Variants in CD200R1 observed in about 807,000 individuals in gnomAD.
The protein encoded by CD200R1 is CD200 receptor 1, also known as cell surface glycoprotein CD200 receptor 1.
CD200R1 carries 30 observed loss-of-function variants against 38.1 expected under a neutral mutation model. The observed-to-expected ratio is 0.79, with a 90% CI of 0.59 to 1.07. CD200R1 has a LOEUF of 1.07. CD200R1 is among the 50% of genes least tolerant of loss of function. CD200R1 has a pLI of 0.00. For synonymous variants in CD200R1, 128 were observed against 152.1 expected, an observed-to-expected ratio of 0.84 and a Z score of 1.16; for missense variants, 372 against 415.4, an observed-to-expected ratio of 0.90 and a Z score of 0.91.
chr3:112,930,645 TC>T (rs1377820100), intron 3 of CD200R1, among the ~76,000 whole-genome samples: 1 of 152,244 alleles, frequency 6.6e-6, no homozygotes, highest in Non-Finnish European at 1.5e-5. Flanking sequence ...AGTGATTTCA[TC>T]ACTATAGCAT....
intron 1 of CD200R1, among the ~76,000 whole-genome samples, chr3:112,963,248 T>C (rs892199875): frequency 1.3e-5 from 2 of 151,850 alleles, no homozygotes; most frequent in Non-Finnish European, 2.9e-5. Flanking sequence ...ACCAGAAGAG[T>C]GGGGCACTGC....
intron 2 of CD200R1, among the ~76,000 whole-genome samples, chr3:112,937,799 A>C (rs1377809646): frequency 1.3e-5 from 2 of 152,158 alleles, no homozygotes; most frequent in Non-Finnish European, 2.9e-5. Context: ...TCATTTTCAC[A>C]ATATTGATTC....
At chr3:112,955,770 C>A (rs1209623027) in intron 1 of CD200R1, among the ~76,000 whole-genome samples, 1 of 150,982 alleles carries the variant, frequency 6.6e-6, no homozygotes, top group East Asian at 1.9e-4. Flanking sequence ...TTAAAGTATT[C>A]ATGATTGGTA....
intron 1 of CD200R1, among the ~76,000 whole-genome samples, chr3:112,965,182 T>C (rs1251385374): frequency 3.3e-5 from 5 of 152,228 alleles, no homozygotes; most frequent in African/African-American, 1.2e-4. Context: ...GATTAAATCA[T>C]ATGCAGAACA....
Position 112,922,732 on chromosome 3 carries a change from C to T in CD200R1, c.*945G>A, listed in dbSNP as rs1684813468. On this transcript the variant is annotated 3_prime_UTR_variant, in exon 8 of 8. Coordinates refer to ENST00000308611, the MANE Select transcript of CD200R1 (RefSeq NM_138806.4). ...TAAATAGTATAATTCTTATTATAAT[C>T]TCACATCATATTTAATCTGGTTGAT... 6.6e-6 allele frequency: 1 copy of T among 151,880 alleles called. No individual in the cohort carries two copies. Among genetic ancestry groups the T allele is most frequent in the African/African-American group, 2.4e-5 (1 of 41,404 alleles). The allele number at this position is 151,880 out of a possible 1,614,324, so 9.4% of individuals were successfully genotyped here. A position where few individuals can be genotyped will look rare whatever the true frequency, so the allele number is the denominator to read the frequency against.
intron 1 of CD200R1, among the ~76,000 whole-genome samples, chr3:112,951,668 C>T (rs1279831814): frequency 6.6e-6 from 1 of 151,078 alleles, no homozygotes; most frequent in African/African-American, 2.4e-5. Flanking sequence ...CTTCCTAGAA[C>T]TAAATGAACT....
intron 1 of CD200R1, among the ~76,000 whole-genome samples, chr3:112,967,384 T>A (rs1933195620): frequency 6.6e-6 from 1 of 152,208 alleles, no homozygotes; most frequent in African/African-American, 2.4e-5. Flanking sequence ...TTTCTGTTCA[T>A]CTTCATCTTA....
At chr3:112,923,827 A>T (rs748961534) in intron 7 of CD200R1, 28 bp from the exon 8 acceptor site, 4 of 1,404,846 alleles carry the variant, frequency 2.8e-6, no homozygotes, top group East Asian at 4.8e-5. Flanking sequence ...GTTAAAATCA[A>T]TTCAAAAAAT....
At chr3:112,959,954 A>G (rs184200226) in intron 1 of CD200R1, among the ~76,000 whole-genome samples, 12 of 152,210 alleles carry the variant, frequency 7.9e-5, no homozygotes, top group Admixed American at 7.8e-4. Flanking sequence ...AACATGTACT[A>G]TCTTTCTTAC....
intron 1 of CD200R1, among the ~76,000 whole-genome samples, chr3:112,962,657 TTTA>T (rs1457721975): frequency 6.6e-6 from 1 of 152,140 alleles, no homozygotes; most frequent in African/African-American, 2.4e-5. Flanking sequence ...ATGTCCAAAT[TTTA>T]TTATTAATTG....
chr3:112,931,232 G>T, intron 2 of CD200R1, 61 bp from the exon 3 acceptor site: 1 of 1,018,436 alleles, frequency 9.8e-7, no homozygotes, highest in Non-Finnish European at 1.6e-6. Context: ...GTGGAAGCCA[G>T]TATCCCTCCA....
chr3:112,970,250 G>T (rs545803128), intron 1 of CD200R1, among the ~76,000 whole-genome samples: 29 of 152,180 alleles, frequency 1.9e-4, no homozygotes, highest in South Asian at 1.9e-3. Context: ...TTTCCTTAAA[G>T]ATTTTGGTCC....
In CD200R1 at chr3:112,925,152, T is replaced by C. The variant is rs1042527404; in HGVS notation, c.811A>G (p.Ile271Val). 5.0e-6 allele frequency: 8 copies of C among 1,606,412 alleles called. No homozygotes were observed. The Admixed American group carries it at 6.7e-5, about 13-fold the overall frequency. ...KKSAKLYIPY[I>V]ILTIIILTIV... ...GTCAAAATAATAATAGTAAGGATGA[T>C]ATATGGAATATATAATTTTGCTGAT... The change falls in exon 6 of 8, where the codon ATC (isoleucine) becomes GTC (valine). Residue 271 changes from isoleucine (I) to valine (V), a missense_variant. Ile to Val is a conservative substitution (Grantham distance 29). Coordinates refer to ENST00000308611, the MANE Select transcript of CD200R1 (RefSeq NM_138806.4).
At chr3:112,961,441 T>C (rs1251424116) in intron 1 of CD200R1, among the ~76,000 whole-genome samples, 2 of 152,076 alleles carry the variant, frequency 1.3e-5, no homozygotes, top group Non-Finnish European at 2.9e-5. Context: ...ATATAAGTAA[T>C]TTTGTTGTTT....
At chr3:112,965,434 G>A (rs1428072833) in intron 1 of CD200R1, among the ~76,000 whole-genome samples, 1 of 152,138 alleles carries the variant, frequency 6.6e-6, no homozygotes, top group East Asian at 1.9e-4. Flanking sequence ...AAGAGAGAGA[G>A]ATGGGGCAAC....
chr3:112,926,817 A>C (rs1940291069), intron 5 of CD200R1, among the ~76,000 whole-genome samples: 1 of 147,448 alleles, frequency 6.8e-6, no homozygotes, highest in African/African-American at 2.5e-5. Flanking sequence ...GAAGAGGATG[A>C]AGACAAGAAC....
At chr3:112,941,651 A>G (rs1489618445) in intron 2 of CD200R1, among the ~76,000 whole-genome samples, 2 of 151,636 alleles carry the variant, frequency 1.3e-5, no homozygotes, top group African/African-American at 4.8e-5. Context: ...AATGAAAAAA[A>G]TAAGAAATAC....
chr3:112,963,244 A>G (rs1309742352), intron 1 of CD200R1, among the ~76,000 whole-genome samples: 1 of 152,238 alleles, frequency 6.6e-6, no homozygotes, highest in African/African-American at 2.4e-5. Flanking sequence ...TGGTACCAGA[A>G]GAGTGGGGCA....
chr3:112,929,581 T>C lies in CD200R1; in HGVS notation c.203-74A>G, dbSNP rs1287476490. On this transcript the variant is annotated intron_variant, in intron 3 of 7. Transcript: ENST00000308611. ...ATGTGTTACATTTATCCACAACATA[T>C]GAAGTTACACTAGAACATAACTTTG... 13 of 1,321,710 alleles carry C rather than the reference T, an allele frequency of 9.8e-6. No individual in the cohort carries two copies. The South Asian group carries it at 1.8e-4, about 19-fold the overall frequency. 81.9% of individuals were successfully genotyped at this position (1,321,710 alleles called of 1,614,324 possible). A position where few individuals can be genotyped will look rare whatever the true frequency, so the allele number is the denominator to read the frequency against.
Sources: allele counts gnomAD v4.1 joint callset (sites outside exome capture counted in the v4.1 genomes callset), GRCh38; gene constraint gnomAD v4.1.1; transcripts MANE v1.5; gene names NCBI Gene and HGNC (gene_info 2026-07-23, HGNC 2026-07-21).